UGT1A7: variants seen among roughly 807,000 people sequenced by gnomAD.
UGT1A7 encodes the protein UDP-glucuronosyltransferase 1A7.
A neutral mutation model predicts 45.6 loss-of-function variants in UGT1A7; 33 were observed. That is an observed-to-expected ratio of 0.72 (90% CI 0.55 to 0.97). UGT1A7 has a LOEUF of 0.97. UGT1A7 is among the 50% of genes least tolerant of loss of function. UGT1A7 has a pLI of 0.00. For missense variants in UGT1A7, 684 were observed against 666.2 expected (o/e 1.03, Z -0.29); for synonymous variants, 274 against 250.6 (o/e 1.09, Z -0.88).
At chr2:233,698,827 G>T (rs2125576939) in intron 1 of UGT1A7, among the ~76,000 whole-genome samples, 1 of 152,348 alleles carries the variant, frequency 6.6e-6, no homozygotes, top group African/African-American at 2.4e-5. Flanking sequence ...GAAGAGTAAG[G>T]CAGGATCACT....
At chr2:233,760,344 G>C (rs897355036) in intron 1 of UGT1A7, 1 of 1,614,032 alleles carries the variant, frequency 6.2e-7, no homozygotes. Context: ...TGCTGTGTGT[G>C]CTGGGCCCAG....
intron 1 of UGT1A7, among the ~76,000 whole-genome samples, chr2:233,696,130 A>G (rs1401105954): frequency 6.6e-6 from 1 of 152,228 alleles, no homozygotes; most frequent in Non-Finnish European, 1.5e-5. Context: ...AACTGCCCCA[A>G]TATATCCCAT....
intron 1 of UGT1A7, among the ~76,000 whole-genome samples, chr2:233,696,651 C>T (rs2075353274): frequency 6.6e-6 from 1 of 152,116 alleles, no homozygotes. Flanking sequence ...GATAGGACTT[C>T]CAGTACTATG....
intron 1 of UGT1A7, among the ~76,000 whole-genome samples, chr2:233,717,616 G>A (rs555691364): frequency 2.6e-5 from 4 of 152,224 alleles, no homozygotes; most frequent in African/African-American, 9.6e-5. Context: ...ACAGCCCAGA[G>A]AGCCTGCCCA....
At chr2:233,709,103 C>A (rs1294540845) in intron 1 of UGT1A7, among the ~76,000 whole-genome samples, 1 of 152,082 alleles carries the variant, frequency 6.6e-6, no homozygotes, top group African/African-American at 2.4e-5. Flanking sequence ...GTCACATGCC[C>A]ATCTCTGAAC....
intron 1 of UGT1A7, among the ~76,000 whole-genome samples, chr2:233,684,329 C>T (rs2074674843): frequency 6.6e-6 from 1 of 152,170 alleles, no homozygotes; most frequent in Non-Finnish European, 1.5e-5. Context: ...TTGTAGGACG[C>T]TAAGAGGATA....
At chr2:233,760,458 A>C (rs1336419159) in intron 1 of UGT1A7, 1 of 1,614,212 alleles carries the variant, frequency 6.2e-7, no homozygotes, top group South Asian at 1.1e-5. Context: ...GACATGAAAT[A>C]GTTGTCCTAG....
At chr2:233,736,414 AC>A (rs1363284987) in intron 1 of UGT1A7, among the ~76,000 whole-genome samples, 6 of 152,024 alleles carry the variant, frequency 3.9e-5, no homozygotes, top group Non-Finnish European at 5.9e-5. Flanking sequence ...CATTCATCTA[AC>A]CTTTTTTCAA....
rs138626513 is a variant in UGT1A7 at position 233,772,998 on chromosome 2, C to T, written c.*439C>T. 4.0e-5 allele frequency: 10 copies of T among 249,518 alleles called. No individual in the cohort carries two copies. The East Asian group carries it at 6.9e-4, about 17-fold the overall frequency. 15.5% of individuals were successfully genotyped at this position (249,518 alleles called of 1,614,324 possible). On this transcript the variant is annotated 3_prime_UTR_variant, in exon 5 of 5. Coordinates refer to ENST00000373426, the MANE Select transcript of UGT1A7 (RefSeq NM_019077.3). ...AATAATGGTCAGTCCTCATCTCTGT[C>T]GTGCTTCATAGGTGCCACCTTGTGT...
chr2:233,759,973 C>G (rs1206858232), intron 1 of UGT1A7, among the ~76,000 whole-genome samples: 2 of 152,170 alleles, frequency 1.3e-5, no homozygotes, highest in African/African-American at 4.8e-5. Context: ...TTCTTCCTCT[C>G]TGGTAACACT....
intron 1 of UGT1A7, among the ~76,000 whole-genome samples, chr2:233,765,461 A>G (rs963338723): frequency 3.9e-5 from 6 of 152,204 alleles, no homozygotes; most frequent in Non-Finnish European, 8.8e-5. Flanking sequence ...TTGCAAGGAC[A>G]TGGATGAAGC....
At chr2:233,770,330 A>G (rs757778787) in intron 4 of UGT1A7, 1 of 152,126 alleles carries the variant, frequency 6.6e-6, no homozygotes, top group East Asian at 1.9e-4. Flanking sequence ...ACCAGGCCAT[A>G]ATAGGTGCTC....
chr2:233,682,115 C>T lies in UGT1A7; in HGVS notation c.178C>T (p.Pro60Ser), dbSNP rs2074558733. 1.2e-6 allele frequency: 2 copies of T among 1,614,154 alleles called. No individual in the cohort carries two copies. Among genetic ancestry groups the T allele is most frequent in the Non-Finnish European group, 1.7e-6 (2 of 1,180,014 alleles). The change falls in exon 1 of 5, where the codon CCA becomes TCA. Residue 60 changes from proline to serine, a missense_variant. Pro to Ser is a moderately conservative substitution (Grantham distance 74, BLOSUM62 -1). Transcript: ENST00000373426. ...GGGGCATGAGGTGGTCGTAGTCATG[C>T]CAGAGGTGAGTTGGCAACTGGGAAG... ...LRGHEVVVVMPEVSWQLGRSL... is the reference protein window; with the variant it reads ...LRGHEVVVVMSEVSWQLGRSL...
chr2:233,758,527 A>G (rs1696905658), intron 1 of UGT1A7, among the ~76,000 whole-genome samples: 1 of 152,232 alleles, frequency 6.6e-6, no homozygotes, highest in East Asian at 1.9e-4. Context: ...GAGTGAAAGC[A>G]TTGCTATGTC....
intron 1 of UGT1A7, among the ~76,000 whole-genome samples, chr2:233,727,123 C>T (rs2077584182): frequency 1.3e-5 from 2 of 152,116 alleles, no homozygotes; most frequent in Non-Finnish European, 2.9e-5. Flanking sequence ...GTGAGATTGG[C>T]AGAGGGGAAC....
chr2:233,752,290 C>T (rs1244302370), intron 1 of UGT1A7: 16 of 152,170 alleles, frequency 1.1e-4, no homozygotes, highest in Admixed American at 1.0e-3. Flanking sequence ...CTCACAGGGT[C>T]ATGCCTTTCC....
At chr2:233,751,766 T>C (rs1221820452) in intron 1 of UGT1A7, among the ~76,000 whole-genome samples, 2 of 152,224 alleles carry the variant, frequency 1.3e-5, no homozygotes, top group Non-Finnish European at 2.9e-5. Context: ...ATGTGAGACA[T>C]GACTTTGCTT....
intron 1 of UGT1A7, among the ~76,000 whole-genome samples, chr2:233,695,274 T>A (rs1346738966): frequency 6.6e-6 from 1 of 152,090 alleles, no homozygotes; most frequent in South Asian, 2.1e-4. Flanking sequence ...TATAGGCATG[T>A]GCCACCATTC....
intron 1 of UGT1A7, chr2:233,729,300 A>G (rs143500969): frequency 9.7e-5 from 156 of 1,614,266 alleles, no homozygotes; most frequent in East Asian, 1.6e-4. Flanking sequence ...GCCACCAGGC[A>G]GTGGTCCTCA....
Sources: allele counts gnomAD v4.1 joint callset (sites outside exome capture counted in the v4.1 genomes callset), GRCh38; gene constraint gnomAD v4.1.1; transcripts MANE v1.5; gene names NCBI Gene and HGNC (gene_info 2026-07-23, HGNC 2026-07-21).